THRB: variants seen among roughly 807,000 people sequenced by gnomAD.
THRB encodes nuclear receptor subfamily 1 group A member 2.
Under a neutral mutation model 47.8 loss-of-function variants are expected in THRB, and 12 were observed. The ratio of observed to expected loss-of-function variants is 0.25; its 90% confidence interval spans 0.16 to 0.41. THRB has a LOEUF of 0.41. Among genes scored for constraint, THRB ranks in the 10% least tolerant of loss-of-function variants. The pLI, the probability that THRB is intolerant of heterozygous loss-of-function variation, is 1.00. For synonymous variants in THRB, 218 were observed against 212.2 expected (o/e 1.03, Z -0.24); for missense variants, 348 against 589.2 (o/e 0.59, Z 4.24).
chr3:24,254,048 T>G (rs1348699534), intron 3 of THRB, among the ~76,000 whole-genome samples: 2 of 151,248 alleles, frequency 1.3e-5, no homozygotes, highest in Non-Finnish European at 2.9e-5. Context: ...TGATTATTCA[T>G]AACATTTGGG....
intron 2 of THRB, among the ~76,000 whole-genome samples, chr3:24,320,991 A>G (rs1230843803): frequency 6.6e-6 from 1 of 152,236 alleles, no homozygotes; most frequent in Non-Finnish European, 1.5e-5. Flanking sequence ...GCCACTACCC[A>G]GGTCTCTTTC....
At chr3:24,450,565 C>T (rs2072548986) in intron 1 of THRB, among the ~76,000 whole-genome samples, 1 of 152,184 alleles carries the variant, frequency 6.6e-6, no homozygotes, top group Admixed American at 6.5e-5. Context: ...AGTCTCAATT[C>T]ATGACAACCT....
chr3:24,401,180 C>T (rs993682431), intron 1 of THRB, among the ~76,000 whole-genome samples: 1 of 151,978 alleles, frequency 6.6e-6, no homozygotes, highest in Non-Finnish European at 1.5e-5. Flanking sequence ...GATTAATGCA[C>T]TAGGTTGAGA....
chr3:24,407,574 T>G (rs1408417702), intron 1 of THRB, among the ~76,000 whole-genome samples: 1 of 151,910 alleles, frequency 6.6e-6, no homozygotes, highest in South Asian at 2.1e-4. Context: ...CTTTGAACAT[T>G]AGAAACAAAT....
intron 1 of THRB, among the ~76,000 whole-genome samples, chr3:24,454,391 G>A (rs1381455793): frequency 6.6e-6 from 1 of 152,172 alleles, no homozygotes; most frequent in African/African-American, 2.4e-5. Flanking sequence ...GTTAATGAGT[G>A]TGAGGTTTTT....
At chr3:24,461,848 G>C (rs1028501449) in intron 1 of THRB, among the ~76,000 whole-genome samples, 1 of 152,054 alleles carries the variant, frequency 6.6e-6, no homozygotes, top group Admixed American at 6.6e-5. Context: ...CTTCCCAAAT[G>C]GTCATCAATG....
chr3:24,302,965 A>G (rs1283499412), intron 2 of THRB, among the ~76,000 whole-genome samples: 1 of 152,218 alleles, frequency 6.6e-6, no homozygotes, highest in Non-Finnish European at 1.5e-5. Context: ...CTTGTCAAAT[A>G]TTCTTACTGA....
chr3:24,345,571 G>A (rs1488011840), intron 1 of THRB, among the ~76,000 whole-genome samples: 1 of 152,116 alleles, frequency 6.6e-6, no homozygotes, highest in Non-Finnish European at 1.5e-5. Context: ...TTATAGAGAC[G>A]TGATGAGGAT....
chr3:24,395,540 C>T (rs563321496), intron 1 of THRB, among the ~76,000 whole-genome samples: 1 of 152,124 alleles, frequency 6.6e-6, no homozygotes, highest in South Asian at 2.1e-4. Flanking sequence ...ATTTGCAGTA[C>T]ACGCAAATCA....
chr3:24,229,273 A>G (rs1242158314), intron 3 of THRB, among the ~76,000 whole-genome samples: 1 of 152,198 alleles, frequency 6.6e-6, no homozygotes, highest in Admixed American at 6.5e-5. Flanking sequence ...TTTTTAAGAA[A>G]GCTACCAGCT....
intron 2 of THRB, among the ~76,000 whole-genome samples, chr3:24,305,694 C>G (rs2057288021): frequency 6.6e-6 from 1 of 152,180 alleles, no homozygotes; most frequent in Non-Finnish European, 1.5e-5. Flanking sequence ...CTTCACACCA[C>G]AAATTTCAGG....
At chr3:24,404,718 T>TAC (rs2067685238) in intron 1 of THRB, among the ~76,000 whole-genome samples, 2 of 151,914 alleles carry the variant, frequency 1.3e-5, no homozygotes, top group Non-Finnish European at 2.9e-5. Flanking sequence ...AATGTTTCTC[T>TAC]TGTAATTTCT....
intron 8 of THRB, among the ~76,000 whole-genome samples, chr3:24,139,003 T>C (rs2148955203): frequency 6.6e-6 from 1 of 152,332 alleles, no homozygotes; most frequent in Non-Finnish European, 1.5e-5. Flanking sequence ...GGGCTGCTAC[T>C]GGAGGTCTAG....
At chr3:24,253,014 C>G (rs1230336977) in intron 3 of THRB, among the ~76,000 whole-genome samples, 1 of 151,384 alleles carries the variant, frequency 6.6e-6, no homozygotes, top group Non-Finnish European at 1.5e-5. Context: ...GGTATCTATT[C>G]AAAAAGAATA....
intron 3 of THRB, among the ~76,000 whole-genome samples, chr3:24,232,542 C>G (rs888319789): frequency 6.6e-6 from 1 of 152,090 alleles, no homozygotes; most frequent in Non-Finnish European, 1.5e-5. Context: ...ATGATTTAAC[C>G]CTTTGTTCTC....
At chr3:24,439,600 T>C (rs2071333501) in intron 1 of THRB, among the ~76,000 whole-genome samples, 1 of 152,214 alleles carries the variant, frequency 6.6e-6, no homozygotes, top group African/African-American at 2.4e-5. Context: ...AATTCTGTTT[T>C]CCTCCATCCA....
intron 1 of THRB, among the ~76,000 whole-genome samples, chr3:24,382,268 A>T (rs530304103): frequency 2.6e-5 from 4 of 152,220 alleles, no homozygotes; most frequent in Admixed American, 2.6e-4. Flanking sequence ...GAAAAAAAAT[A>T]AAATAAAGTT....
intron 3 of THRB, among the ~76,000 whole-genome samples, chr3:24,264,950 CATT>C (rs1174060326): frequency 1.3e-5 from 2 of 152,206 alleles, no homozygotes; most frequent in South Asian, 4.2e-4. Context: ...CAATGGGAGC[CATT>C]ATTAAGATAC....
At chr3:24,216,468 C>A (rs1045895450) in intron 4 of THRB, among the ~76,000 whole-genome samples, 1 of 152,050 alleles carries the variant, frequency 6.6e-6, no homozygotes, top group African/African-American at 2.4e-5. Context: ...ATTAGCCGGG[C>A]GTGGTGGAGG....
Sources: allele counts gnomAD v4.1 joint callset (sites outside exome capture counted in the v4.1 genomes callset), GRCh38; gene constraint gnomAD v4.1.1; transcripts MANE v1.5; gene names NCBI Gene and HGNC (gene_info 2026-07-23, HGNC 2026-07-21).